Variants in CSMD1 observed in about 807,000 individuals in gnomAD.
The protein encoded by CSMD1 is CUB and sushi domain-containing protein 1.
Under a neutral mutation model 417.5 loss-of-function variants are expected in CSMD1, and 213 were observed. The ratio of observed to expected loss-of-function variants is 0.51; its 90% confidence interval spans 0.46 to 0.57. The LOEUF (loss-of-function observed/expected upper bound fraction) is 0.57, where lower values mean the gene tolerates loss of function less well. CSMD1 is among the 20% of genes least tolerant of loss of function. The probability of loss-of-function intolerance (pLI) is 0.00; values close to 1 mark genes in which losing one functional copy is unlikely to be tolerated. For synonymous variants in CSMD1, 2,862 were observed against 1,736.8 expected (o/e 1.65, Z -16.11); for missense variants, 6,923 against 4,529.7 (o/e 1.53, Z -15.17).
chr8:3,904,879 C>G (rs1808009088), intron 5 of CSMD1, among the ~76,000 whole-genome samples: 1 of 152,098 alleles, frequency 6.6e-6, no homozygotes, highest in Non-Finnish European at 1.5e-5. Flanking sequence ...TCAAGTGATC[C>G]ACCTGCTTCC....
intron 3 of CSMD1, among the ~76,000 whole-genome samples, chr8:4,222,187 C>G (rs901029819): frequency 6.6e-6 from 1 of 151,914 alleles, no homozygotes; most frequent in African/African-American, 2.4e-5. Context: ...TGTCTACACT[C>G]ACAAGCTCTA....
In CSMD1 at chr8:3,658,372, CTTT is replaced by C. The variant is rs1798234857; in HGVS notation, c.1010-41578_1010-41576del. Among the ~76,000 whole-genome samples the C allele has an allele frequency of 3.3e-5, 5 of 151,090 alleles. No individual in the cohort carries two copies. The South Asian group carries it at 1.0e-3, about 31-fold the overall frequency. On this transcript the variant is annotated intron_variant, in intron 7 of 69. Transcript: ENST00000635120. ...ATACATCTTTGTAATAAGAATTACTCTTTTTATTTGTAAATCATCCCAATCTTA... is the reference window on the plus strand; with the variant it reads ...ATACATCTTTGTAATAAGAATTACTCTTATTTGTAAATCATCCCAATCTTA...
intron 12 of CSMD1, among the ~76,000 whole-genome samples, chr8:3,421,863 T>C (rs1048088838): frequency 6.7e-6 from 1 of 149,754 alleles, no homozygotes; most frequent in Admixed American, 6.6e-5. Context: ...GTTTCTAACT[T>C]CTAACTTCAG....
chr8:4,156,465 T>C (rs1036179091), intron 3 of CSMD1, among the ~76,000 whole-genome samples: 3 of 152,198 alleles, frequency 2.0e-5, no homozygotes, highest in African/African-American at 7.2e-5. Flanking sequence ...GCTAACTCTT[T>C]TATTGAGCAT....
chr8:4,461,126 G>A (rs1055883123), intron 2 of CSMD1, among the ~76,000 whole-genome samples: 1 of 148,524 alleles, frequency 6.7e-6, no homozygotes, highest in Non-Finnish European at 1.5e-5. Flanking sequence ...CTAACACTGT[G>A]CCATAACAAT....
rs529783027 is a variant in CSMD1 at position 3,929,447 on chromosome 8, A to T, written c.818+68456T>A. 7.8e-4 allele frequency among the ~76,000 whole-genome samples: 117 copies of T among 150,540 alleles called. 9 individuals carry two copies. The highest frequency in any genetic ancestry group is 2.6e-3 in the African/African-American group (107 of 40,878). The stretch of plus-strand genomic sequence containing the variant: ...CATGAGAAGTGGGTCCAAAAGCTGG[A>T]GGGGACAGAACAAATCAGCTACAGG... On this transcript the variant is annotated intron_variant, in intron 5 of 69. Coordinates refer to ENST00000635120, the MANE Select transcript of CSMD1 (RefSeq NM_033225.6).
intron 5 of CSMD1, among the ~76,000 whole-genome samples, chr8:3,942,967 G>C (rs924316207): frequency 2.6e-5 from 4 of 152,088 alleles, no homozygotes; most frequent in Middle Eastern, 6.8e-3. Flanking sequence ...GATATATTGT[G>C]ACAGTTTCAC....
At chr8:3,646,423 CA>C (rs1391890241) in intron 7 of CSMD1, among the ~76,000 whole-genome samples, 3 of 152,074 alleles carry the variant, frequency 2.0e-5, no homozygotes, top group Non-Finnish European at 4.4e-5. Context: ...TACTTTAACT[CA>C]AAATTAAGAA....
At chr8:4,384,423 C>G (rs1464134532) in intron 3 of CSMD1, among the ~76,000 whole-genome samples, 5 of 152,108 alleles carry the variant, frequency 3.3e-5, no homozygotes, top group African/African-American at 4.8e-5. Flanking sequence ...CAAAGGAAAA[C>G]TAATACATTC....
chr8:4,661,578 A>G lies in CSMD1; in HGVS notation c.86-24020T>C, dbSNP rs191675949. On this transcript the variant is annotated intron_variant, in intron 1 of 69. Coordinates refer to ENST00000635120, the MANE Select transcript of CSMD1 (RefSeq NM_033225.6). Reference sequence around the variant, plus strand: ...CTGTATCTCCAATGTGTTCATCTCAATACCTTAGCTGTGATGTTGTACTAT... The same window carrying G: ...CTGTATCTCCAATGTGTTCATCTCAGTACCTTAGCTGTGATGTTGTACTAT... Among the ~76,000 whole-genome samples the G allele has an allele frequency of 2.6e-5, 4 of 152,234 alleles. No homozygotes were observed. In the East Asian group the frequency reaches 7.7e-4, roughly 29 times the overall value.
At chr8:4,153,922 G>C (rs549168410) in intron 3 of CSMD1, among the ~76,000 whole-genome samples, 2 of 152,164 alleles carry the variant, frequency 1.3e-5, no homozygotes, top group Admixed American at 6.5e-5. Flanking sequence ...CAGCCAACGA[G>C]GCACTGTGGA....
chr8:3,326,813 A>G (rs1288419629), intron 23 of CSMD1, among the ~76,000 whole-genome samples: 3 of 152,200 alleles, frequency 2.0e-5, no homozygotes, highest in African/African-American at 7.2e-5. Context: ...TTCTTTTCTT[A>G]TAGCAGAAGT....
rs143428322 is a variant in CSMD1 at position 3,843,662 on chromosome 8, C to A, written c.819-89620G>T. On this transcript the variant is annotated intron_variant, in intron 5 of 69. Coordinates refer to ENST00000635120, the MANE Select transcript of CSMD1 (RefSeq NM_033225.6). ...TGGAATGCATTTTCAAAGAGACAGG[C>A]CACGGAGTGAGTGACGGGAGCCCAC... is the stretch of plus-strand genomic sequence containing the variant. Among the ~76,000 whole-genome samples, 665 of 152,202 alleles carry A rather than the reference C, an allele frequency of 4.4e-3. 3 individuals carry two copies. The highest frequency in any genetic ancestry group is 0.029 in the South Asian group (142 of 4,824).
At chr8:3,488,086 G>GCAT (rs145429032) in intron 11 of CSMD1, among the ~76,000 whole-genome samples, 14 of 148,234 alleles carry the variant, frequency 9.4e-5, no homozygotes, top group African/African-American at 3.5e-4. Flanking sequence ...GAAACTCATA[G>GCAT]TATTATTATT....
chr8:4,742,022 TTTTTTTTTTTTTTTTTTTTTTTTTTTG>T (rs1810645328), intron 1 of CSMD1, among the ~76,000 whole-genome samples: 7 of 72,336 alleles, frequency 9.7e-5, no homozygotes, highest in African/African-American at 3.2e-4. Context: ...TTTTTTTTTT[TTTTTTTTTTTTTTTTTTTTTTTTTTTG>T]AGACGGAGTC....
chr8:3,094,451 A>G (rs1002839460), intron 47 of CSMD1, among the ~76,000 whole-genome samples: 8 of 152,146 alleles, frequency 5.3e-5, no homozygotes, highest in Non-Finnish European at 1.2e-4. Context: ...ATAATGTTCT[A>G]TCTGTTCTCT....
chr8:3,734,438 C>G (rs141515650), intron 6 of CSMD1, among the ~76,000 whole-genome samples: 2 of 152,268 alleles, frequency 1.3e-5, no homozygotes, highest in African/African-American at 4.8e-5. Context: ...CTGCCAGGTG[C>G]GATGGCTCAC....
intron 5 of CSMD1, among the ~76,000 whole-genome samples, chr8:3,969,662 T>C (rs559300536): frequency 6.6e-6 from 1 of 152,294 alleles, no homozygotes; most frequent in Admixed American, 6.5e-5. Flanking sequence ...AGTGTAAAGG[T>C]TCCTTGCTTT....
chr8:4,350,152 T>G (rs1801007680), intron 3 of CSMD1, among the ~76,000 whole-genome samples: 1 of 152,172 alleles, frequency 6.6e-6, no homozygotes, highest in African/African-American at 2.4e-5. Context: ...CATCAAATCT[T>G]GATGGTCCTT....
Sources: allele counts gnomAD v4.1 joint callset (sites outside exome capture counted in the v4.1 genomes callset), GRCh38; gene constraint gnomAD v4.1.1; transcripts MANE v1.5; gene names NCBI Gene and HGNC (gene_info 2026-07-23, HGNC 2026-07-21).